LARGE1: variants seen among roughly 807,000 people sequenced by gnomAD.
The protein encoded by LARGE1 is LARGE xylosyl- and glucuronyltransferase 1.
Under a neutral mutation model 87.6 loss-of-function variants are expected in LARGE1, and 43 were observed. The observed-to-expected ratio is 0.49, with a 90% CI of 0.38 to 0.63. The LOEUF is 0.63. Ranked by LOEUF, LARGE1 falls within the 30% of genes least tolerant of loss-of-function variation. LARGE1 has a pLI of 0.00. For synonymous variants in LARGE1, 434 were observed against 394.6 expected (o/e 1.10, Z -1.18); for missense variants, 802 against 1,000.2 (o/e 0.80, Z 2.67).
chr22:33,744,790 G>A (rs992839909), intron 2 of LARGE1, among the ~76,000 whole-genome samples: 1 of 152,198 alleles, frequency 6.6e-6, no homozygotes, highest in Non-Finnish European at 1.5e-5. Flanking sequence ...GGAGGAGAAG[G>A]AGGAAAGACA....
chr22:33,265,199 C>A (rs1952647367), intron 11 of LARGE1, among the ~76,000 whole-genome samples: 1 of 152,132 alleles, frequency 6.6e-6, no homozygotes, highest in African/African-American at 2.4e-5. Context: ...ACCACCATGT[C>A]TGGCCTGATC....
the LARGE1 span, among the ~76,000 whole-genome samples, chr22:33,108,217 C>A: frequency 2.0e-5 from 3 of 152,096 alleles, no homozygotes; most frequent in Non-Finnish European, 4.4e-5. Flanking sequence ...AATTGTGAGT[C>A]ACTGATTCAT....
intron 1 of LARGE1, among the ~76,000 whole-genome samples, chr22:33,821,700 T>C (rs4821187): frequency 0.89 from 134,860 of 152,202 alleles, 59,930 homozygotes; most frequent in East Asian, 0.97. Context: ...ACCACTGAAG[T>C]CCATATTTTT....
intron 6 of LARGE1, among the ~76,000 whole-genome samples, chr22:33,538,218 AC>A (rs750649748): frequency 2.0e-5 from 3 of 151,716 alleles, no homozygotes; most frequent in Admixed American, 6.6e-5. Context: ...AACCTCACCT[AC>A]CCCAAGTGGA....
the LARGE1 span, among the ~76,000 whole-genome samples, chr22:33,123,379 T>TC: frequency 2.6e-5 from 4 of 152,054 alleles, no homozygotes; most frequent in African/African-American, 7.2e-5. Flanking sequence ...GAGGTTTTTT[T>TC]CCTCTTTAAA....
rs2065901844 is a variant in LARGE1 at position 33,920,079 on chromosome 22, T to A, written c.-167A>T. 6.7e-6 allele frequency: 1 copy of A among 149,972 alleles called. No homozygotes were observed. The highest frequency in any genetic ancestry group is 2.5e-5 in the African/African-American group (1 of 40,668). 9.3% of individuals were successfully genotyped at this position (149,972 alleles called of 1,614,324 possible). On this transcript the variant is annotated 5_prime_UTR_variant, in exon 1 of 15. Coordinates refer to ENST00000397394, the MANE Select transcript of LARGE1 (RefSeq NM_133642.5). The stretch of plus-strand genomic sequence containing the variant: ...GCCGCCGCCTACGAGGCGCAGGGGG[T>A]CCGGGTCAGGGTCCCGGCAGGCGCT...
At chr22:33,875,260 A>G (rs1165727010) in intron 1 of LARGE1, among the ~76,000 whole-genome samples, 1 of 152,208 alleles carries the variant, frequency 6.6e-6, no homozygotes, top group Non-Finnish European at 1.5e-5. Flanking sequence ...CATTCTGGAG[A>G]GAAAGGCAGG....
intron 7 of LARGE1, among the ~76,000 whole-genome samples, chr22:33,396,440 AGAGT>A (rs1188429034): frequency 6.7e-6 from 1 of 149,968 alleles, no homozygotes; most frequent in Non-Finnish European, 1.5e-5. Flanking sequence ...AGAGAAAGAC[AGAGT>A]GAGAGACAGA....
intron 1 of LARGE1, among the ~76,000 whole-genome samples, chr22:33,812,436 TC>T (rs2086524791): frequency 1.3e-5 from 2 of 152,230 alleles, no homozygotes; most frequent in Non-Finnish European, 2.9e-5. Context: ...GTGATGACTC[TC>T]TCTTTGCATA....
Position 33,650,537 on chromosome 22 carries a change from G to C in LARGE1, c.238C>G (p.Arg80Gly). ...REVEEENRALRRQLSLAQGRA... is the reference protein window; with the variant it reads ...REVEEENRALGRQLSLAQGRA... ...CCCTGGGCCAGGCTGAGCTGCCTGC[G>C]GAGGGCGCGGTTCTCCTCCTCCACC... Residue 80 changes from arginine to glycine, a missense_variant, in exon 3 of 15, where the codon CGC (arginine) becomes GGC (glycine). Around this residue, in one of 2 missense-constraint regions of LARGE1, gnomAD observed 177 missense variants for 158.3 expected, o/e 1.12. Transcript: ENST00000397394. 1 of 1,610,728 alleles carries C rather than the reference G, an allele frequency of 6.2e-7. No homozygotes were observed. Among genetic ancestry groups the C allele is most frequent in the African/African-American group, 1.3e-5 (1 of 75,050 alleles).
chr22:33,722,258 G>C, intron 2 of LARGE1, among the ~76,000 whole-genome samples: 1 of 81,574 alleles, frequency 1.2e-5, no homozygotes, highest in Non-Finnish European at 2.7e-5. Flanking sequence ...GGAAGAGGGA[G>C]AGGGAGAGGA....
chr22:33,099,170 C>T, the LARGE1 span, among the ~76,000 whole-genome samples: 4 of 152,104 alleles, frequency 2.6e-5, no homozygotes, highest in Admixed American at 2.0e-4. Context: ...TTTATCCCTC[C>T]GAATATGTGT....
At chr22:33,763,606 G>A (rs1452505347) in intron 1 of LARGE1, among the ~76,000 whole-genome samples, 1 of 152,090 alleles carries the variant, frequency 6.6e-6, no homozygotes, top group Non-Finnish European at 1.5e-5. Flanking sequence ...GAGAGATGTG[G>A]GTTCAAGCCC....
intron 9 of LARGE1, among the ~76,000 whole-genome samples, chr22:33,373,008 C>T (rs997860236): frequency 1.3e-5 from 2 of 152,050 alleles, no homozygotes; most frequent in Non-Finnish European, 2.9e-5. Context: ...AAATTTTTGT[C>T]TTAAAGTAAA....
chr22:33,324,788 G>A (rs1362446963), intron 10 of LARGE1, among the ~76,000 whole-genome samples: 8 of 152,194 alleles, frequency 5.3e-5, no homozygotes, highest in Non-Finnish European at 1.2e-4. Context: ...ACTGAAAAGC[G>A]AGACCTGATA....
intron 1 of LARGE1, among the ~76,000 whole-genome samples, chr22:33,776,291 G>A (rs1211625191): frequency 6.6e-6 from 1 of 152,156 alleles, no homozygotes; most frequent in Non-Finnish European, 1.5e-5. Context: ...CAGGCAGGTG[G>A]TGTGGACATT....
intron 2 of LARGE1, chr22:33,733,025 T>C (rs2083526225): frequency 6.6e-6 from 1 of 152,340 alleles, no homozygotes; most frequent in South Asian, 2.1e-4. Flanking sequence ...CATGCCTCCA[T>C]GGCCGCCTAT....
chr22:33,376,790 G>A lies in LARGE1; in HGVS notation c.1131+5129C>T, dbSNP rs570531358. Among the ~76,000 whole-genome samples the A allele has an allele frequency of 3.3e-5, 5 of 152,120 alleles. No individual in the cohort carries two copies. In the South Asian group the frequency reaches 8.3e-4, roughly 25 times the overall value. On this transcript the variant is annotated intron_variant, in intron 9 of 14. Transcript: ENST00000397394. ...TTGTTCAAATTTTTTACAGATGTACGAATCCTAACAGTATAATGCTAACCC... is the reference window on the plus strand; with the variant it reads ...TTGTTCAAATTTTTTACAGATGTACAAATCCTAACAGTATAATGCTAACCC...
At chr22:33,837,679 G>A (rs539811974) in intron 1 of LARGE1, among the ~76,000 whole-genome samples, 2 of 152,216 alleles carry the variant, frequency 1.3e-5, no homozygotes, top group South Asian at 2.1e-4. Context: ...ACCCAGGTGA[G>A]TGTGTTCGTA....
Sources: gnomAD v4.1 joint callset for allele counts (sites outside exome capture counted in the v4.1 genomes callset) on GRCh38, gnomAD v4.1.1 for gene constraint, gnomAD v4.1.1 regional missense constraint, MANE v1.5 for transcripts, NCBI Gene and HGNC (gene_info 2026-07-23, HGNC 2026-07-21) for gene names.